CHKA: variants seen among roughly 807,000 people sequenced by gnomAD.
The protein encoded by CHKA is choline kinase alpha, also known as CHETK-alpha.
A neutral mutation model predicts 60.1 loss-of-function variants in CHKA; 34 were observed. The ratio of observed to expected loss-of-function variants is 0.57; its 90% CI spans 0.43 to 0.75. CHKA has a LOEUF of 0.75. CHKA is among the 30% of genes least tolerant of loss of function. The pLI is 0.00. For synonymous variants in CHKA, 217 were observed against 223.1 expected (o/e 0.97, Z 0.24); for missense variants, 563 against 561.3 (o/e 1.00, Z -0.03).
At chr11:68,057,507 G>A (rs1480016335) in intron 11 of CHKA, among the ~76,000 whole-genome samples, 3 of 152,038 alleles carry the variant, frequency 2.0e-5, no homozygotes. Flanking sequence ...TTTTAGTAGA[G>A]ACAAGGTTTC....
At chr11:68,120,660 GAGA>G (rs1411534864) in intron 1 of CHKA, 165 bp downstream of exon 1, 1 of 238,650 alleles carries the variant, frequency 4.2e-6, no homozygotes, top group Non-Finnish European at 7.6e-6. Flanking sequence ...CCAGGGCTGG[GAGA>G]AGGAGGGCTT....
intron 4 of CHKA, among the ~76,000 whole-genome samples, chr11:68,072,192 G>A (rs1464399896): frequency 1.3e-5 from 2 of 152,096 alleles, no homozygotes; most frequent in African/African-American, 4.8e-5. Context: ...ATTCTCACAT[G>A]CCCTTTGAAA....
chr11:68,081,526 C>T, intron 2 of CHKA, 69 bp from the exon 3 acceptor site: 1 of 1,247,216 alleles, frequency 8.0e-7, no homozygotes, highest in African/African-American at 1.5e-5. Context: ...ACTTTGCAAC[C>T]ACCAGAACAG....
chr11:68,069,115 C>T (rs1413181405), intron 6 of CHKA, among the ~76,000 whole-genome samples, 178 bp from the exon 7 acceptor site: 1 of 152,142 alleles, frequency 6.6e-6, no homozygotes, highest in Non-Finnish European at 1.5e-5. Flanking sequence ...TCCACAGGCC[C>T]TCTGCACTCA....
At chr11:68,065,287 T>C (rs1248573609) in intron 9 of CHKA, among the ~76,000 whole-genome samples, 1 of 152,238 alleles carries the variant, frequency 6.6e-6, no homozygotes, top group Admixed American at 6.5e-5. Context: ...TGAATACAAG[T>C]ATCTCTGGCA....
At chr11:68,111,313 GAGGC>G (rs1858129661) in intron 1 of CHKA, among the ~76,000 whole-genome samples, 3 of 152,014 alleles carry the variant, frequency 2.0e-5, no homozygotes, top group African/African-American at 7.3e-5. Flanking sequence ...TGGGGAAGTT[GAGGC>G]AGGAAAATTG....
intron 2 of CHKA, among the ~76,000 whole-genome samples, chr11:68,096,126 G>A (rs879517309): frequency 3.9e-5 from 6 of 151,940 alleles, no homozygotes; most frequent in Non-Finnish European, 7.4e-5. Context: ...CACTTTGGGG[G>A]ACCACGGCGG....
chr11:68,064,562 A>T lies in CHKA; in HGVS notation c.1195T>A (p.Ser399Thr), dbSNP rs1856376066. The change falls in exon 10 of 12, where the codon TCC (serine) becomes ACC (threonine). Residue 399 changes from serine to threonine, a missense_variant. By Grantham distance (58) the Ser-to-Thr change is moderately conservative (BLOSUM62 1). Coordinates refer to ENST00000265689, the MANE Select transcript of CHKA (RefSeq NM_001277.3). The part of the protein sequence containing the change: ...DFENLSTEEK[S>T]IIKEEMLLEV... ...AGCAACATTTCTTCTTTTATAATGG[A>T]TTTTTCTTCAGTACTGAGGTTTTCA... 1 of 1,582,172 alleles carries T rather than the reference A, an allele frequency of 6.3e-7. No homozygotes were observed. The highest frequency in any genetic ancestry group is 8.6e-7 in the Non-Finnish European group (1 of 1,167,752).
intron 2 of CHKA, among the ~76,000 whole-genome samples, chr11:68,086,940 C>T (rs1260529181): frequency 2.0e-5 from 3 of 151,950 alleles, no homozygotes; most frequent in Non-Finnish European, 2.9e-5. Context: ...GAGCAGAGAT[C>T]GTGCCACTTC....
At chr11:68,094,350 T>C (rs918504546) in intron 2 of CHKA, among the ~76,000 whole-genome samples, 3 of 152,146 alleles carry the variant, frequency 2.0e-5, no homozygotes, top group African/African-American at 7.2e-5. Flanking sequence ...GAGACCATCC[T>C]GGGAAACATG....
chr11:68,121,259 G>C lies in CHKA; in HGVS notation c.-82C>G. 1 of 1,041,574 alleles carries C rather than the reference G, an allele frequency of 9.6e-7. No homozygotes were observed. Among genetic ancestry groups the C allele is most frequent in the Non-Finnish European group, 1.2e-6 (1 of 862,330 alleles). The allele number at this position is 1,041,574 out of a possible 1,614,324, so 64.5% of individuals were successfully genotyped here. On this transcript the variant is annotated 5_prime_UTR_variant, in exon 1 of 12. Coordinates refer to ENST00000265689, the MANE Select transcript of CHKA (RefSeq NM_001277.3). ...GAGTCCGGCCGGGCGCCCCCTCGCC[G>C]CTCTCTCACTGGCAGGCCGGCGGGG...
intron 2 of CHKA, among the ~76,000 whole-genome samples, chr11:68,084,247 CAAAAAA>C (rs1280725198): frequency 1.3e-5 from 1 of 74,254 alleles, no homozygotes; most frequent in Non-Finnish European, 2.8e-5. Context: ...AACTCTGACT[CAAAAAA>C]AAAAAAAAAT....
At chr11:68,062,914 G>C (rs917037013) in intron 10 of CHKA, among the ~76,000 whole-genome samples, 2 of 152,086 alleles carry the variant, frequency 1.3e-5, no homozygotes. Flanking sequence ...TGTGCTAAGT[G>C]CGTGGAAAGA....
At chr11:68,060,359 G>A (rs138642953) in intron 11 of CHKA, among the ~76,000 whole-genome samples, 4,310 of 151,974 alleles carry the variant, frequency 0.028, 75 homozygotes, top group Middle Eastern at 0.041. Flanking sequence ...GTCCAGGCTG[G>A]AGTGCAATGG....
chr11:68,082,150 T>C (rs752750444), intron 2 of CHKA: 1 of 151,950 alleles, frequency 6.6e-6, no homozygotes, highest in Non-Finnish European at 1.5e-5. Flanking sequence ...AAATTTATGA[T>C]AACCAGGATT....
chr11:68,113,767 G>A (rs1365901216), intron 1 of CHKA, among the ~76,000 whole-genome samples: 1 of 152,112 alleles, frequency 6.6e-6, no homozygotes, highest in Non-Finnish European at 1.5e-5. Flanking sequence ...GGCCGAGGCA[G>A]GTGGATCACC....
chr11:68,059,738 T>G (rs1283622032), intron 11 of CHKA, among the ~76,000 whole-genome samples: 1 of 152,256 alleles, frequency 6.6e-6, no homozygotes, highest in East Asian at 1.9e-4. Flanking sequence ...TAAATTTCAC[T>G]GAGAACATAT....
chr11:68,087,082 C>T (rs1165731740), intron 2 of CHKA, among the ~76,000 whole-genome samples: 2 of 152,138 alleles, frequency 1.3e-5, no homozygotes, highest in African/African-American at 4.8e-5. Context: ...TGCTGTGAGA[C>T]AGATTTTAAA....
intron 1 of CHKA, among the ~76,000 whole-genome samples, chr11:68,098,980 T>G (rs977161023): frequency 6.6e-6 from 1 of 152,084 alleles, no homozygotes; most frequent in Non-Finnish European, 1.5e-5. Flanking sequence ...ATGCCTGACC[T>G]TATTTTACCA....
Sources: allele counts gnomAD v4.1 joint callset (sites outside exome capture counted in the v4.1 genomes callset), GRCh38; gene constraint gnomAD v4.1.1; transcripts MANE v1.5; gene names NCBI Gene and HGNC (gene_info 2026-07-23, HGNC 2026-07-21).